The following ZNF365 variants were observed in gnomAD, a reference collection of about 807,000 sequenced individuals.
ZNF365 encodes the protein zinc finger protein 365.
A neutral mutation model predicts 35.0 loss-of-function variants in ZNF365; 22 were observed. The ratio of observed to expected loss-of-function variants is 0.63; its 90% CI spans 0.45 to 0.90. The LOEUF (loss-of-function observed/expected upper bound fraction) is 0.90, where lower values mean the gene tolerates loss of function less well. Among genes scored for constraint, ZNF365 ranks in the 40% least tolerant of loss-of-function variants. The pLI is 0.00. For synonymous variants in ZNF365, 188 were observed against 196.2 expected, an observed-to-expected ratio of 0.96 and a Z score of 0.35; for missense variants, 448 against 500.3, an observed-to-expected ratio of 0.90 and a Z score of 1.00.
chr10:62,386,891 G>C (rs1564569192), intron 2 of ZNF365, among the ~76,000 whole-genome samples: 1 of 152,172 alleles, frequency 6.6e-6, no homozygotes, highest in Non-Finnish European at 1.5e-5. Context: ...ACTGAATGAG[G>C]TTGGATTAAC....
chr10:62,419,451 A>ATATAAGCTCCATTTGGCTT, intron 3 of ZNF365, among the ~76,000 whole-genome samples: 1 of 151,938 alleles, frequency 6.6e-6, no homozygotes, highest in Admixed American at 6.6e-5. Context: ...GTAACCTTGA[A>ATATAAGCTCCATTTGGCTT]TATAAGCTCC....
chr10:62,471,277 A>G (rs1841031983), intron 4 of ZNF365, among the ~76,000 whole-genome samples: 1 of 151,722 alleles, frequency 6.6e-6, no homozygotes, highest in East Asian at 1.9e-4. Flanking sequence ...GAGGCAGAAG[A>G]ATGGTGTGAA....
In ZNF365 at chr10:62,436,675, C is replaced by T. The variant is rs150244323; in HGVS notation, c.925-23066C>T. On this transcript the variant is annotated intron_variant, in intron 3 of 4. Coordinates refer to the ZNF365 transcript ENST00000395255. ...ACCCTTCATGACCAACATCATTGCACTTACTAAGTTCCTGCTTCTTGTTGA... is the reference window on the plus strand; with the variant it reads ...ACCCTTCATGACCAACATCATTGCATTTACTAAGTTCCTGCTTCTTGTTGA... Among the ~76,000 whole-genome samples the T allele has an allele frequency of 5.7e-3, 861 of 152,232 alleles. 20 individuals are homozygous for T. The highest frequency in any genetic ancestry group is 0.01 in the Middle Eastern group (3 of 290).
chr10:62,408,727 A>G (rs1839941338), intron 3 of ZNF365, among the ~76,000 whole-genome samples: 1 of 152,122 alleles, frequency 6.6e-6, no homozygotes, highest in East Asian at 1.9e-4. Context: ...CAAGTTATGA[A>G]TTAACCAATA....
intron 3 of ZNF365, among the ~76,000 whole-genome samples, chr10:62,431,600 G>C (rs932736664): frequency 2.0e-5 from 3 of 152,094 alleles, no homozygotes; most frequent in Non-Finnish European, 4.4e-5. Flanking sequence ...CCAATGCCAC[G>C]ATGCAGATCT....
chr10:62,396,287 C>T (rs10740075), intron 3 of ZNF365, among the ~76,000 whole-genome samples: 7,654 of 152,160 alleles, frequency 0.05, 283 homozygotes, highest in South Asian at 0.12. Context: ...CAGAGTGAAG[C>T]CTTGCTCAGG....
At chr10:62,469,475 C>T (rs1269908693) in intron 4 of ZNF365, among the ~76,000 whole-genome samples, 15 of 152,092 alleles carry the variant, frequency 9.9e-5, no homozygotes, top group Admixed American at 9.2e-4. Context: ...AGTTTTTTAG[C>T]GATGGACTGA....
In ZNF365 at chr10:62,400,111, A is replaced by G. The variant is rs1337228252; in HGVS notation, c.*322A>G. The G allele has an allele frequency of 8.4e-6, 9 of 1,069,026 alleles. No individual in the cohort carries two copies. Among genetic ancestry groups the G allele is most frequent in the Non-Finnish European group, 9.1e-6 (8 of 882,026 alleles). The allele number at this position is 1,069,026 out of a possible 1,614,324, so 66.2% of individuals were successfully genotyped here. On this transcript the variant is annotated 3_prime_UTR_variant, in exon 5 of 5. Transcript: ENST00000395254. ...TCTGGGCTTCTATGCAGTGGTCACT[A>G]ATTTTCAGGACCAAGGCCACACAAA... is the stretch of plus-strand genomic sequence containing the variant.
chr10:62,439,789 T>C (rs1263058454), intron 3 of ZNF365, among the ~76,000 whole-genome samples: 1 of 152,220 alleles, frequency 6.6e-6, no homozygotes, highest in Non-Finnish European at 1.5e-5. Flanking sequence ...GTCTTTATTG[T>C]TTATGCCACT....
intron 4 of ZNF365, among the ~76,000 whole-genome samples, chr10:62,467,101 A>T (rs1476711112): frequency 1.3e-5 from 2 of 152,252 alleles, no homozygotes; most frequent in African/African-American, 2.4e-5. Context: ...TTCAACCTGA[A>T]AAAAGGGCAG....
At position 62,400,939 on chromosome 10, in the gene ZNF365, C is replaced by G; in HGVS notation, c.*1150C>G. ...AGCCAGAATCTGACACTGTCTTCCC[C>G]TCCTTCCCTCCCTAAAATGGCTTTA... On this transcript the variant is annotated 3_prime_UTR_variant, in exon 5 of 5. Transcript: ENST00000395254. The G allele has an allele frequency of 2.0e-6, 2 of 985,496 alleles. No homozygotes were observed. Among genetic ancestry groups the G allele is most frequent in the East Asian group, 2.2e-4 (2 of 8,936 alleles). The allele number at this position is 985,496 out of a possible 1,614,324, so 61.0% of individuals were successfully genotyped here.
chr10:62,440,508 T>C (rs900135157), intron 3 of ZNF365, among the ~76,000 whole-genome samples: 2 of 152,200 alleles, frequency 1.3e-5, no homozygotes, highest in Non-Finnish European at 2.9e-5. Flanking sequence ...CTACCAGCAC[T>C]GTGCCTTGTA....
chr10:62,388,290 C>A, intron 2 of ZNF365, 106 bp from the exon 3 acceptor site: 5 of 1,233,752 alleles, frequency 4.1e-6, no homozygotes, highest in East Asian at 2.4e-5. Flanking sequence ...GGAGTACTGC[C>A]TAGGGTGTTA....
intron 4 of ZNF365, among the ~76,000 whole-genome samples, chr10:62,476,701 G>A (rs528911916): frequency 6.6e-6 from 1 of 152,346 alleles, no homozygotes; most frequent in East Asian, 1.9e-4. Flanking sequence ...AATGGTTAAG[G>A]AAGCAAATTA....
At chr10:62,440,726 T>C (rs778145411) in intron 3 of ZNF365, among the ~76,000 whole-genome samples, 2 of 152,234 alleles carry the variant, frequency 1.3e-5, no homozygotes, top group African/African-American at 2.4e-5. Context: ...GGAGCTTTGC[T>C]GAAATCCGAT....
chr10:62,433,078 A>G (rs1376026180), intron 3 of ZNF365, among the ~76,000 whole-genome samples: 3 of 152,204 alleles, frequency 2.0e-5, no homozygotes, highest in Admixed American at 1.3e-4. Flanking sequence ...AGGAACTTCA[A>G]ATTCATCCTA....
intron 4 of ZNF365, among the ~76,000 whole-genome samples, chr10:62,478,884 T>C (rs1841176181): frequency 6.6e-6 from 1 of 152,194 alleles, no homozygotes; most frequent in Non-Finnish European, 1.5e-5. Context: ...ACAAGTGTCG[T>C]TTTTTAAGTC....
intron 4 of ZNF365, among the ~76,000 whole-genome samples, chr10:62,467,975 A>T (rs1840971984): frequency 1.3e-5 from 2 of 152,194 alleles, no homozygotes. Flanking sequence ...ATTCTCAAAA[A>T]GATGAATTTT....
chr10:62,403,546 T>C (rs1839863250), downstream of ZNF365, among the ~76,000 whole-genome samples: 1 of 152,128 alleles, frequency 6.6e-6, no homozygotes, highest in African/African-American at 2.4e-5. Flanking sequence ...TAGTCCCAGC[T>C]ACTCAGGAGG....
Sources: gnomAD v4.1 joint callset for allele counts (sites outside exome capture counted in the v4.1 genomes callset) on GRCh38, gnomAD v4.1.1 for gene constraint, MANE v1.5 for transcripts, NCBI Gene and HGNC (gene_info 2026-07-23, HGNC 2026-07-21) for gene names.